PRR5L: variants seen among roughly 807,000 people sequenced by gnomAD.
PRR5L encodes proline-rich protein 5-like.
A neutral mutation model predicts 36.4 loss-of-function variants in PRR5L; 21 were observed. The ratio of observed to expected loss-of-function variants is 0.58; its 90% CI spans 0.41 to 0.83. The LOEUF (loss-of-function observed/expected upper bound fraction) is 0.83. Among genes scored for constraint, PRR5L ranks in the 40% least tolerant of loss-of-function variants. PRR5L has a pLI of 0.00. For synonymous variants in PRR5L, 188 were observed against 197.0 expected (o/e 0.95, Z 0.38); for missense variants, 381 against 473.3 (o/e 0.80, Z 1.81).
chr11:36,403,462 G>GTTT (rs1564937914), intron 3 of PRR5L, 84 bp downstream of exon 3: 3 of 916,636 alleles, frequency 3.3e-6, no homozygotes, highest in Non-Finnish European at 3.2e-6. Context: ...GAGCCTTAAG[G>GTTT]GTTTTTTTTT....
At chr11:36,308,270 A>G (rs1260665471) in intron 1 of PRR5L, among the ~76,000 whole-genome samples, 1 of 152,214 alleles carries the variant, frequency 6.6e-6, no homozygotes, top group Non-Finnish European at 1.5e-5. Flanking sequence ...CAAGACTTCC[A>G]TTGCTAGAAA....
rs1436459850 is a variant in PRR5L, at chr11:36,436,147, C to T, written c.353-1238C>T. On this transcript the variant is annotated intron_variant, in intron 5 of 8. Transcript: ENST00000530639. ...CCCTTGTTCTATTCTCTCTCCCCAG[C>T]CACTGCTTTTATTGCCCATTAAATT... Among the ~76,000 whole-genome samples the T allele has an allele frequency of 2.6e-5, 4 of 152,238 alleles. No homozygotes were observed. In the East Asian group the frequency reaches 7.7e-4, roughly 29 times the overall value.
chr11:36,406,592 T>G (rs1733930820), intron 3 of PRR5L, among the ~76,000 whole-genome samples: 1 of 152,230 alleles, frequency 6.6e-6, no homozygotes, highest in East Asian at 1.9e-4. Context: ...TTCCAGCATC[T>G]TAAACACTGA....
chr11:36,363,492 G>A (rs1264313950), intron 1 of PRR5L, among the ~76,000 whole-genome samples: 1 of 152,174 alleles, frequency 6.6e-6, no homozygotes, highest in Non-Finnish European at 1.5e-5. Context: ...CGCTTCCTTA[G>A]AAGCTCTTTT....
chr11:36,464,175 C>T lies in PRR5L; in HGVS notation c.*1439C>T, dbSNP rs1859248584. 3.9e-5 allele frequency: 6 copies of T among 152,172 alleles called. No individual in the cohort carries two copies. Among genetic ancestry groups the T allele is most frequent in the Admixed American group, 2.0e-4 (3 of 15,280 alleles). The allele number at this position is 152,172 out of a possible 1,614,324, so 9.4% of individuals were successfully genotyped here. A position where few individuals can be genotyped will look rare whatever the true frequency, so the allele number is the denominator to read the frequency against. ...TCCTCCTCTTTGTAGTTGTCGGTCT[C>T]ACTGATAACAGCTCCAGAAAAAAAG... On this transcript the variant is annotated 3_prime_UTR_variant, in exon 9 of 9. Coordinates refer to ENST00000530639, the MANE Select transcript of PRR5L (RefSeq NM_001160167.2).
chr11:36,438,681 G>T (rs565420047), intron 6 of PRR5L, among the ~76,000 whole-genome samples: 1 of 152,082 alleles, frequency 6.6e-6, no homozygotes, highest in South Asian at 2.1e-4. Context: ...CAGGATGTTG[G>T]CCGGGCACAG....
intron 1 of PRR5L, among the ~76,000 whole-genome samples, chr11:36,381,058 G>A (rs550207404): frequency 6.6e-6 from 1 of 152,130 alleles, no homozygotes; most frequent in African/African-American, 2.4e-5. Context: ...GTATTTACTC[G>A]TGTATTAAAC....
chr11:36,311,424 A>G (rs1173301905), intron 1 of PRR5L, among the ~76,000 whole-genome samples: 1 of 152,200 alleles, frequency 6.6e-6, no homozygotes, highest in Non-Finnish European at 1.5e-5. Context: ...CAGCCAAAGA[A>G]GCAAAGGCCT....
chr11:36,413,852 TCCCTCCC>T (rs1351438915), intron 3 of PRR5L, among the ~76,000 whole-genome samples: 1 of 113,058 alleles, frequency 8.8e-6, no homozygotes, highest in East Asian at 2.9e-4. Flanking sequence ...CCTAATGCTA[TCCCTCCC>T]CCCTCCCCCC....
intron 3 of PRR5L, among the ~76,000 whole-genome samples, chr11:36,418,037 A>AT (rs1858183412): frequency 6.6e-6 from 1 of 151,988 alleles, no homozygotes; most frequent in Non-Finnish European, 1.5e-5. Flanking sequence ...CAATATCCCT[A>AT]TTTTCCATTT....
chr11:36,373,169 T>C (rs1857215118), intron 1 of PRR5L, among the ~76,000 whole-genome samples: 1 of 152,180 alleles, frequency 6.6e-6, no homozygotes, highest in African/African-American at 2.4e-5. Flanking sequence ...GAGCCTTGAT[T>C]GGACTGACTT....
intron 1 of PRR5L, among the ~76,000 whole-genome samples, chr11:36,375,128 G>A (rs1987300): frequency 0.23 from 34,315 of 151,784 alleles, 4,747 homozygotes; most frequent in Non-Finnish European, 0.31. Flanking sequence ...CCAGCTACTC[G>A]GGAGGCTGAA....
intron 1 of PRR5L, among the ~76,000 whole-genome samples, chr11:36,394,164 T>A (rs944568908): frequency 2.6e-5 from 4 of 152,220 alleles, no homozygotes; most frequent in African/African-American, 9.6e-5. Flanking sequence ...CAAGGAGTAT[T>A]CTAAGCCCTA....
chr11:36,395,093 C>T (rs1857631181), intron 1 of PRR5L, among the ~76,000 whole-genome samples: 1 of 152,180 alleles, frequency 6.6e-6, no homozygotes, highest in Non-Finnish European at 1.5e-5. Flanking sequence ...TTCAGAAGTT[C>T]CATTGCTGAG....
At chr11:36,429,258 C>G (rs756600759) in intron 4 of PRR5L, among the ~76,000 whole-genome samples, 1 of 152,106 alleles carries the variant, frequency 6.6e-6, no homozygotes, top group African/African-American at 2.4e-5. Context: ...TGTCTTTTAT[C>G]TTGGCTTCTT....
At chr11:36,367,871 T>G (rs1300553306) in intron 1 of PRR5L, among the ~76,000 whole-genome samples, 1 of 151,016 alleles carries the variant, frequency 6.6e-6, no homozygotes, top group African/African-American at 2.4e-5. Context: ...GTTAATATAA[T>G]AAGGGAATCT....
intron 1 of PRR5L, among the ~76,000 whole-genome samples, chr11:36,349,011 G>A (rs1856894899): frequency 6.6e-6 from 1 of 152,178 alleles, no homozygotes; most frequent in African/African-American, 2.4e-5. Flanking sequence ...TTGGCTGGGT[G>A]TGGTAGCTCA....
At chr11:36,315,684 T>C (rs1461607887) in intron 1 of PRR5L, among the ~76,000 whole-genome samples, 1 of 152,224 alleles carries the variant, frequency 6.6e-6, no homozygotes, top group East Asian at 1.9e-4. Context: ...CAATTGGCCA[T>C]ATTCCACAAG....
At chr11:36,316,003 C>G (rs1324165111) in intron 1 of PRR5L, among the ~76,000 whole-genome samples, 2 of 152,284 alleles carry the variant, frequency 1.3e-5, no homozygotes, top group Non-Finnish European at 2.9e-5. Context: ...CCTGGGTGAC[C>G]AGGAGGCTTA....
Sources: gnomAD v4.1 joint callset for allele counts (sites outside exome capture counted in the v4.1 genomes callset) on GRCh38, gnomAD v4.1.1 for gene constraint, MANE v1.5 for transcripts, NCBI Gene and HGNC (gene_info 2026-07-23, HGNC 2026-07-21) for gene names.